SGIP1: variants seen among roughly 807,000 people sequenced by gnomAD.
SGIP1 encodes the protein SH3-containing GRB2-like protein 3-interacting protein 1.
In SGIP1, 38 loss-of-function variants were observed where a neutral mutation model predicts 107.5. The observed-to-expected ratio is 0.35, with a 90% CI of 0.27 to 0.46. SGIP1 has a LOEUF of 0.46. Among genes scored for constraint, SGIP1 ranks in the 20% least tolerant of loss-of-function variants. SGIP1 has a pLI of 1.00. For missense variants in SGIP1, 929 were observed against 1,019.5 expected (o/e 0.91, Z 1.21); for synonymous variants, 365 against 366.1 (o/e 1.00, Z 0.03).
chr1:66,597,162 C>T (rs1030177444), intron 1 of SGIP1, among the ~76,000 whole-genome samples: 1 of 152,192 alleles, frequency 6.6e-6, no homozygotes, highest in African/African-American at 2.4e-5. Flanking sequence ...CAACCAGGTA[C>T]TAAGCCTAGT....
chr1:66,575,227 G>A (rs1346406247), intron 1 of SGIP1, among the ~76,000 whole-genome samples: 1 of 152,170 alleles, frequency 6.6e-6, no homozygotes, highest in Non-Finnish European at 1.5e-5. Context: ...GCATTGCAAA[G>A]AGGATGGGAG....
intron 1 of SGIP1, among the ~76,000 whole-genome samples, chr1:66,554,788 G>T (rs1218607746): frequency 2.0e-5 from 3 of 152,032 alleles, no homozygotes; most frequent in Admixed American, 2.0e-4. Context: ...TTTTGGATAA[G>T]GAATACTCAA....
chr1:66,637,328 G>T (rs887362229), intron 4 of SGIP1, among the ~76,000 whole-genome samples: 1 of 152,010 alleles, frequency 6.6e-6, no homozygotes, highest in African/African-American at 2.4e-5. Flanking sequence ...TGAGCCAGAA[G>T]AATTCCATCC....
chr1:66,696,438 G>C (rs1010804518), intron 18 of SGIP1, among the ~76,000 whole-genome samples: 1 of 152,102 alleles, frequency 6.6e-6, no homozygotes, highest in African/African-American at 2.4e-5. Context: ...TATTGAACTT[G>C]TTTTTGTGTT....
intron 19 of SGIP1, among the ~76,000 whole-genome samples, chr1:66,724,232 C>G (rs911005195): frequency 5.3e-5 from 8 of 152,150 alleles, no homozygotes; most frequent in Non-Finnish European, 1.2e-4. Context: ...GGCTGGTTGA[C>G]TTTGAAGTTT....
At chr1:66,589,028 CA>C in intron 1 of SGIP1, among the ~76,000 whole-genome samples, 1 of 150,984 alleles carries the variant, frequency 6.6e-6, no homozygotes, top group East Asian at 1.9e-4. Context: ...TTTTCTCCAA[CA>C]GTAAAACATG....
chr1:66,581,032 T>C (rs1015477071), intron 1 of SGIP1, among the ~76,000 whole-genome samples: 9 of 152,124 alleles, frequency 5.9e-5, no homozygotes, highest in Non-Finnish European at 1.0e-4. Context: ...TAAGCAAATG[T>C]ATGGAAAATT....
intron 2 of SGIP1, among the ~76,000 whole-genome samples, chr1:66,630,888 A>G (rs1325267905): frequency 3.9e-5 from 2 of 51,464 alleles, no homozygotes; most frequent in Admixed American, 4.5e-4. Flanking sequence ...AGAAAGAAAG[A>G]AAGAAAGAAA....
At chr1:66,647,965 T>C (rs12726588) in intron 7 of SGIP1, among the ~76,000 whole-genome samples, 23,683 of 152,208 alleles carry the variant, frequency 0.16, 2,481 homozygotes, top group East Asian at 0.51. Context: ...GTGTGCAAGA[T>C]GTTTTTTAAG....
At chr1:66,556,485 C>T (rs1022540504) in intron 1 of SGIP1, among the ~76,000 whole-genome samples, 1 of 152,124 alleles carries the variant, frequency 6.6e-6, no homozygotes, top group African/African-American at 2.4e-5. Context: ...GTTGGCTCAA[C>T]TTGACGTAGG....
At chr1:66,635,452 A>T (rs1415793707) in intron 3 of SGIP1, among the ~76,000 whole-genome samples, 1 of 152,068 alleles carries the variant, frequency 6.6e-6, no homozygotes. Context: ...GTCATTTTTT[A>T]TCACCCTGAA....
intron 1 of SGIP1, among the ~76,000 whole-genome samples, chr1:66,614,836 T>G (rs1310932045): frequency 4.2e-5 from 5 of 119,386 alleles, no homozygotes; most frequent in Non-Finnish European, 7.2e-5. Context: ...TTTTTTTTTT[T>G]GAGATGGAGT....
intron 23 of SGIP1, 47 bp from the exon 24 acceptor site, chr1:66,741,225 G>A (rs372713709): frequency 1.3e-5 from 19 of 1,489,990 alleles, no homozygotes; most frequent in East Asian, 7.2e-5. Flanking sequence ...AATTATATCC[G>A]AAATATTATG....
chr1:66,695,167 A>T, intron 17 of SGIP1: 3 of 612,098 alleles, frequency 4.9e-6, no homozygotes, highest in Non-Finnish European at 8.0e-6. Flanking sequence ...TGCTCCATGC[A>T]CACAAGCACC....
At position 66,645,504 on chromosome 1, in the gene SGIP1, CCA is replaced by C. The variant is rs1487183392; in HGVS notation, c.459+1786_459+1787del. On this transcript the variant is annotated intron_variant, in intron 7 of 24. Coordinates refer to ENST00000371037, the MANE Select transcript of SGIP1 (RefSeq NM_032291.4). ...CAGAGTGAAAACTAGATGGAGACAC[CCA>C]GAGAGAGTGACCTCGGAGTTACTCT... is the stretch of plus-strand genomic sequence containing the variant. Among the ~76,000 whole-genome samples, 7 of 152,110 alleles carry C rather than the reference CCA, an allele frequency of 4.6e-5. No individual in the cohort carries two copies. In the East Asian group the frequency reaches 1.2e-3, roughly 25 times the overall value.
At chr1:66,718,933 A>G (rs1371868107) in intron 18 of SGIP1, among the ~76,000 whole-genome samples, 1 of 152,226 alleles carries the variant, frequency 6.6e-6, no homozygotes, top group Non-Finnish European at 1.5e-5. Context: ...GAATGCTCAA[A>G]TAGGAAACTA....
intron 22 of SGIP1, among the ~76,000 whole-genome samples, chr1:66,740,176 G>GAGA (rs749112489): frequency 2.0e-4 from 31 of 152,304 alleles, no homozygotes; most frequent in African/African-American, 3.1e-4. Context: ...AGGCACACTA[G>GAGA]AGAAGGTATG....
At chr1:66,606,366 G>A (rs1374181978) in intron 1 of SGIP1, among the ~76,000 whole-genome samples, 1 of 152,180 alleles carries the variant, frequency 6.6e-6, no homozygotes, top group Admixed American at 6.5e-5. Flanking sequence ...ATCATCATTG[G>A]TAATGACCAA....
At chr1:66,533,528 T>A (rs2052870336), upstream of SGIP1, 1 of 146,608 alleles carries the variant, frequency 6.8e-6, no homozygotes, top group Non-Finnish European at 1.5e-5. Flanking sequence ...ATCATCCTTT[T>A]GGGGATGTTT....
Sources: allele counts gnomAD v4.1 joint callset (sites outside exome capture counted in the v4.1 genomes callset), GRCh38; gene constraint gnomAD v4.1.1; transcripts MANE v1.5; gene names NCBI Gene and HGNC (gene_info 2026-07-23, HGNC 2026-07-21).